The following MAP4 variants were observed in gnomAD, a reference collection of about 807,000 sequenced individuals.
The protein encoded by MAP4 is microtubule-associated protein 4.
Under a neutral mutation model 170.2 loss-of-function variants are expected in MAP4, and 76 were observed. The ratio of observed to expected loss-of-function variants is 0.45; its 90% CI spans 0.37 to 0.54. MAP4 has a LOEUF of 0.54. MAP4 is among the 20% of genes least tolerant of loss of function. MAP4 has a pLI of 0.00. For missense variants in MAP4, 2,506 were observed against 2,748.0 expected, an observed-to-expected ratio of 0.91 and a Z score of 1.97; for synonymous variants, 909 against 994.5, an observed-to-expected ratio of 0.91 and a Z score of 1.62.
chr3:47,909,985 A>C lies in MAP4; in HGVS notation c.4436T>G (p.Val1479Gly). ...GACTCCATCTTTGGTGTAGTTATCT[A>C]CCATTAATGATTTGGAAATCTGGGC... is the stretch of plus-strand genomic sequence containing the variant. ...APAQISKSLM[V>G]DNYTKDGVPG... Residue 1479 changes from valine to glycine, a missense_variant, in exon 9 of 21, where the codon GTA becomes GGA. Val to Gly is a moderately radical substitution (Grantham distance 109, BLOSUM62 -3). Coordinates refer to ENST00000683076, the MANE Select transcript of MAP4 (RefSeq NM_001385682.1). 1.2e-6 allele frequency: 2 copies of C among 1,613,988 alleles called. No homozygotes were observed. The highest frequency in any genetic ancestry group is 1.7e-6 in the Non-Finnish European group (2 of 1,179,888).
chr3:47,926,775 A>G (rs2100046249), intron 4 of MAP4, among the ~76,000 whole-genome samples: 1 of 152,108 alleles, frequency 6.6e-6, no homozygotes, highest in Admixed American at 6.6e-5. Flanking sequence ...GCCTCAAGTG[A>G]TCATCCCACC....
chr3:48,052,405 A>T (rs1005382262), intron 1 of MAP4, among the ~76,000 whole-genome samples: 1 of 152,092 alleles, frequency 6.6e-6, no homozygotes, highest in Non-Finnish European at 1.5e-5. Context: ...TATTCTTAGG[A>T]AAGACAGGGT....
intron 1 of MAP4, among the ~76,000 whole-genome samples, chr3:48,001,454 C>T (rs374875294): frequency 6.6e-6 from 1 of 152,130 alleles, no homozygotes; most frequent in African/African-American, 2.4e-5. Flanking sequence ...AACCTTAATT[C>T]CTCATCAATA....
At chr3:48,077,446 C>G (rs1165858013) in intron 1 of MAP4, among the ~76,000 whole-genome samples, 1 of 70,856 alleles carries the variant, frequency 1.4e-5, no homozygotes, top group East Asian at 3.5e-4. Context: ...AACTCAGTCT[C>G]AAAAAAAAAA....
Position 47,911,515 on chromosome 3 carries a change from ATTTC to A in MAP4, c.2902_2905del (p.Glu968TyrfsTer8). The A allele has an allele frequency of 6.5e-7, 1 of 1,535,882 alleles. No homozygotes were observed. Among genetic ancestry groups the A allele is most frequent in the Non-Finnish European group, 8.7e-7 (1 of 1,146,848 alleles). The stretch of plus-strand genomic sequence containing the variant: ...TATCAAAGTGGGTACCAAATTTGGT[ATTTC>A]TTTTGCTGCTGTGGGTTTTGAAACT... On this transcript the variant is annotated frameshift_variant, in exon 9 of 21. Coordinates refer to ENST00000683076, the MANE Select transcript of MAP4 (RefSeq NM_001385682.1). LOFTEE classifies it high-confidence loss of function. The surrounding 1 kb of genome is among the most constrained non-coding windows in gnomAD (Gnocchi z 4.0).
At chr3:47,913,632 G>T (rs2100037082) in intron 8 of MAP4, among the ~76,000 whole-genome samples, 1 of 152,206 alleles carries the variant, frequency 6.6e-6, no homozygotes, top group African/African-American at 2.4e-5. Context: ...TTAACATGGT[G>T]TATTTTGTAT....
At chr3:48,022,420 T>G (rs1351381865) in intron 1 of MAP4, among the ~76,000 whole-genome samples, 1 of 152,174 alleles carries the variant, frequency 6.6e-6, no homozygotes, top group Non-Finnish European at 1.5e-5. Flanking sequence ...CCCTCAGCAG[T>G]ACTTACCAAC....
At chr3:47,885,540 G>A (rs1366805704) in intron 10 of MAP4, among the ~76,000 whole-genome samples, 1 of 152,120 alleles carries the variant, frequency 6.6e-6, no homozygotes, top group African/African-American at 2.4e-5. Flanking sequence ...ATTTACAGGG[G>A]AGGAGCAGAA....
chr3:48,067,796 T>C (rs577198778), intron 1 of MAP4, among the ~76,000 whole-genome samples: 96 of 152,072 alleles, frequency 6.3e-4, no homozygotes, highest in African/African-American at 2.2e-3. Context: ...TGCACCACCA[T>C]GGCCGGCTGA....
At chr3:47,871,436 T>C (rs1472310187) in intron 13 of MAP4, 150 bp from the exon 14 acceptor site, 5 of 702,338 alleles carry the variant, frequency 7.1e-6, no homozygotes, top group Non-Finnish European at 1.2e-5. Flanking sequence ...AGTGGTAAAT[T>C]AGATGGTCAG....
intron 1 of MAP4, among the ~76,000 whole-genome samples, chr3:48,004,875 G>A (rs1183927986): frequency 1.3e-5 from 2 of 151,646 alleles, no homozygotes; most frequent in Non-Finnish European, 1.5e-5. Context: ...CTTTGTCTAC[G>A]GACATAAACC....
intron 5 of MAP4, among the ~76,000 whole-genome samples, chr3:47,920,603 G>A (rs2100042322): frequency 6.9e-6 from 1 of 145,686 alleles, no homozygotes; most frequent in Non-Finnish European, 1.5e-5. Context: ...CCAGGCTGGA[G>A]TACAGTGGCA....
At position 47,917,181 on chromosome 3, in the gene MAP4, T is replaced by C; in HGVS notation, c.653-7A>G. The C allele has an allele frequency of 3.7e-6, 6 of 1,608,114 alleles. No homozygotes were observed. Among genetic ancestry groups the C allele is most frequent in the Non-Finnish European group, 4.2e-6 (5 of 1,177,270 alleles). ...TTGGCTAGCTCTAAGGGAACTAAAT[T>C]GGAAATTTAGGACACATCATTGTCT... is the stretch of plus-strand genomic sequence containing the variant. On this transcript the variant is annotated splice_region_variant and splice_polypyrimidine_tract_variant and intron_variant, in intron 6 of 20. Coordinates refer to ENST00000683076, the MANE Select transcript of MAP4 (RefSeq NM_001385682.1).
At chr3:47,960,540 A>G (rs2100070954) in intron 3 of MAP4, 1 of 163,242 alleles carries the variant, frequency 6.1e-6, no homozygotes, top group Admixed American at 6.5e-5. Context: ...ATTCTTACTT[A>G]TAAGAGGTAA....
chr3:47,965,568 CT>C (rs2100074362), intron 3 of MAP4, among the ~76,000 whole-genome samples: 1 of 152,132 alleles, frequency 6.6e-6, no homozygotes, highest in Non-Finnish European at 1.5e-5. Context: ...TTGTTAATTT[CT>C]GTTCTTGTTT....
At position 47,978,531 on chromosome 3, in the gene MAP4, G is replaced by A. The variant is rs116122727; in HGVS notation, c.224-598C>T. 4.5e-3 allele frequency among the ~76,000 whole-genome samples: 677 copies of A among 152,082 alleles called. 5 individuals carry two copies. The highest frequency in any genetic ancestry group is 0.014 in the African/African-American group (591 of 41,496). ...TGGGATTTCACCATGTTGGCCAGGC[G>A]GGCTCAAACTCCTGACCTCAGGTGA... On this transcript the variant is annotated intron_variant, in intron 2 of 20. Transcript: ENST00000683076.
At chr3:47,901,339 A>T (rs2100029890) in intron 10 of MAP4, among the ~76,000 whole-genome samples, 1 of 152,196 alleles carries the variant, frequency 6.6e-6, no homozygotes, top group African/African-American at 2.4e-5. Flanking sequence ...GTCACTTGGT[A>T]TCTACTGAAT....
At chr3:47,941,220 C>CAAA (rs745693695) in intron 3 of MAP4, among the ~76,000 whole-genome samples, 8 of 45,838 alleles carry the variant, frequency 1.7e-4, no homozygotes, top group South Asian at 9.6e-4. Flanking sequence ...CTATCTCTAC[C>CAAA]AAAAAAAAAA....
rs2100135321 is a variant in MAP4 at position 48,061,600 on chromosome 3, T to C, written c.-20+27173A>G. Among the ~76,000 whole-genome samples the C allele has an allele frequency of 2.0e-5, 3 of 152,232 alleles. No individual in the cohort carries two copies. The South Asian group carries it at 6.2e-4, about 32-fold the overall frequency. Reference sequence around the variant, plus strand: ...CCCAAAGTGCCAAGATTGCAGCCTCTGCCCGGCCGCCACCCCGTCTGGGAA... The same window carrying C: ...CCCAAAGTGCCAAGATTGCAGCCTCCGCCCGGCCGCCACCCCGTCTGGGAA... On this transcript the variant is annotated intron_variant, in intron 1 of 18. Coordinates refer to the MAP4 transcript ENST00000360240.
Sources: gnomAD v4.1 joint callset for allele counts (sites outside exome capture counted in the v4.1 genomes callset) on GRCh38, gnomAD v4.1.1 for gene constraint, Gnocchi (gnomAD v3.1) non-coding constraint, MANE v1.5 for transcripts, NCBI Gene and HGNC (gene_info 2026-07-23, HGNC 2026-07-21) for gene names.